Variants in KAZN observed in about 807,000 individuals in gnomAD.
The protein encoded by KAZN is kazrin.
Under a neutral mutation model 87.4 loss-of-function variants are expected in KAZN, and 40 were observed. The ratio of observed to expected loss-of-function variants is 0.46; its 90% CI spans 0.36 to 0.60. The LOEUF is 0.60. KAZN is among the 20% of genes least tolerant of loss of function. The probability of loss-of-function intolerance (pLI) is 0.00; values close to 1 mark genes in which losing one functional copy is unlikely to be tolerated. For missense variants in KAZN, 898 were observed against 1,073.9 expected (o/e 0.84, Z 2.29); for synonymous variants, 466 against 458.3 (o/e 1.02, Z -0.22).
intron 1 of KAZN, among the ~76,000 whole-genome samples, chr1:14,623,633 CATA>C (rs1441054646): frequency 2.6e-5 from 4 of 152,166 alleles, no homozygotes; most frequent in Non-Finnish European, 5.9e-5. Context: ...AAAGTTTAAA[CATA>C]ATAATTTAAA....
chr1:14,937,813 C>T (rs374020512), intron 1 of KAZN, among the ~76,000 whole-genome samples: 1 of 152,216 alleles, frequency 6.6e-6, no homozygotes, highest in African/African-American at 2.4e-5. Context: ...TGGAGCGTGG[C>T]CATCTCCCTG....
rs573002666 is a variant in KAZN at position 14,328,684 on chromosome 1, C to G, written c.249+148092C>G. Among the ~76,000 whole-genome samples the G allele has an allele frequency of 6.3e-5, 8 of 127,726 alleles. No individual in the cohort carries two copies. In the South Asian group the frequency reaches 1.3e-3, roughly 22 times the overall value. The allele number at this position is 127,726 out of a possible 152,430, so 83.8% of individuals were successfully genotyped here. A position where few individuals can be genotyped will look rare whatever the true frequency, so the allele number is the denominator to read the frequency against. On this transcript the variant is annotated intron_variant, in intron 2 of 16. Transcript: ENST00000636203. ...CACCACTGTACTCCAGCCTGGGCAA[C>G]AGAGCAAGACTCTGTCTCAAAAAAA...
intron 1 of KAZN, among the ~76,000 whole-genome samples, chr1:13,956,345 C>G (rs1411140525): frequency 2.1e-5 from 3 of 144,050 alleles, no homozygotes; most frequent in African/African-American, 5.1e-5. Context: ...AAAATGTCAG[C>G]TTGGCCAGTT....
intron 11 of KAZN, 22 bp downstream of exon 11, chr1:15,101,796 G>T: frequency 6.6e-7 from 1 of 1,524,516 alleles, no homozygotes; most frequent in South Asian, 1.2e-5. Context: ...GGCACAGGGT[G>T]GGGGCACCTT....
chr1:14,235,228 T>C (rs879791125), intron 2 of KAZN, among the ~76,000 whole-genome samples: 1 of 152,118 alleles, frequency 6.6e-6, no homozygotes, highest in African/African-American at 2.4e-5. Context: ...AACCACACAA[T>C]GAAATATTAT....
At chr1:14,057,859 AGGTCT>A (rs1255844347) in intron 1 of KAZN, among the ~76,000 whole-genome samples, 2 of 152,216 alleles carry the variant, frequency 1.3e-5, no homozygotes, top group Non-Finnish European at 2.9e-5. Context: ...GGCACATAGT[AGGTCT>A]TCAATAGATA....
At chr1:14,727,956 T>C (rs28882121) in intron 1 of KAZN, among the ~76,000 whole-genome samples, 46,294 of 151,660 alleles carry the variant, frequency 0.31, 7,197 homozygotes, top group South Asian at 0.37. Flanking sequence ...AGATCCCTCA[T>C]ATGCGCAGTT....
chr1:13,912,392 C>T (rs2100872502), intron 1 of KAZN, among the ~76,000 whole-genome samples: 1 of 152,268 alleles, frequency 6.6e-6, no homozygotes, highest in East Asian at 1.9e-4. Context: ...AAACCGTGTG[C>T]TGCTTGATGG....
At chr1:14,202,846 G>A (rs554544352) in intron 2 of KAZN, among the ~76,000 whole-genome samples, 16 of 152,072 alleles carry the variant, frequency 1.1e-4, no homozygotes, top group South Asian at 2.1e-4. Flanking sequence ...CCAAAATCCC[G>A]TCTCTACTAA....
intron 2 of KAZN, among the ~76,000 whole-genome samples, chr1:14,967,183 C>T (rs1340429844): frequency 6.6e-6 from 1 of 152,092 alleles, no homozygotes; most frequent in East Asian, 1.9e-4. Context: ...TAGGATGTCC[C>T]CATTTTCGTT....
chr1:13,917,299 A>G (rs988615157), intron 1 of KAZN, among the ~76,000 whole-genome samples: 1 of 152,232 alleles, frequency 6.6e-6, no homozygotes, highest in African/African-American at 2.4e-5. Context: ...ACCCTACACA[A>G]TAGATTTTCA....
At chr1:14,187,779 A>G (rs953407835) in intron 2 of KAZN, among the ~76,000 whole-genome samples, 7 of 152,172 alleles carry the variant, frequency 4.6e-5, no homozygotes, top group African/African-American at 1.7e-4. Context: ...AGATTGAGAA[A>G]CCCTACTTTA....
intron 1 of KAZN, among the ~76,000 whole-genome samples, chr1:14,780,892 A>G (rs1376010716): frequency 6.6e-6 from 1 of 152,220 alleles, no homozygotes; most frequent in Non-Finnish European, 1.5e-5. Flanking sequence ...TTAGAAATGG[A>G]GGAGAGAAGA....
intron 1 of KAZN, among the ~76,000 whole-genome samples, chr1:14,749,785 T>C (rs933458853): frequency 6.6e-6 from 1 of 152,180 alleles, no homozygotes; most frequent in African/African-American, 2.4e-5. Flanking sequence ...GCCATTCTCC[T>C]TGGCCCATCC....
intron 1 of KAZN, among the ~76,000 whole-genome samples, chr1:13,931,342 C>T (rs1438398146): frequency 6.6e-6 from 1 of 152,146 alleles, no homozygotes; most frequent in African/African-American, 2.4e-5. Context: ...GTGCAGCTTC[C>T]CTGACATGTT....
At chr1:14,719,601 G>A (rs778007513) in intron 1 of KAZN, among the ~76,000 whole-genome samples, 1 of 152,228 alleles carries the variant, frequency 6.6e-6, no homozygotes, top group Non-Finnish European at 1.5e-5. Context: ...CACTTTGGGA[G>A]GCCAAGGCGG....
intron 2 of KAZN, among the ~76,000 whole-genome samples, chr1:14,322,747 C>T (rs1254088095): frequency 6.6e-6 from 1 of 152,146 alleles, no homozygotes; most frequent in African/African-American, 2.4e-5. Context: ...TACTCAGGAA[C>T]CAAGACAAGC....
intron 2 of KAZN, among the ~76,000 whole-genome samples, chr1:15,026,687 G>A (rs999648961): frequency 2.7e-5 from 4 of 149,772 alleles, no homozygotes; most frequent in Non-Finnish European, 5.9e-5. Context: ...GTTCCACATC[G>A]ATGAATTCAA....
chr1:14,146,999 C>T (rs1645367892), intron 1 of KAZN, among the ~76,000 whole-genome samples: 1 of 152,082 alleles, frequency 6.6e-6, no homozygotes, highest in Non-Finnish European at 1.5e-5. Flanking sequence ...AATATGAAGA[C>T]AGCAAGGATA....
Sources: gnomAD v4.1 joint callset for allele counts (sites outside exome capture counted in the v4.1 genomes callset) on GRCh38, gnomAD v4.1.1 for gene constraint, MANE v1.5 for transcripts, NCBI Gene and HGNC (gene_info 2026-07-23, HGNC 2026-07-21) for gene names.